Variants in MRRF observed in about 807,000 individuals in gnomAD.
The protein encoded by MRRF is mitochondrial ribosome recycling factor.
MRRF carries 18 observed loss-of-function variants against 25.1 expected under a neutral mutation model. The ratio of observed to expected loss-of-function variants is 0.72; its 90% CI spans 0.50 to 1.06. The LOEUF (loss-of-function observed/expected upper bound fraction) is 1.06. Among genes scored for constraint, MRRF ranks in the 50% least tolerant of loss-of-function variants. MRRF has a pLI of 0.00. For synonymous variants in MRRF, 113 were observed against 112.1 expected, an observed-to-expected ratio of 1.01 and a Z score of -0.05; for missense variants, 323 against 319.3, an observed-to-expected ratio of 1.01 and a Z score of -0.09.
At chr9:122,285,788 G>T in intron 4 of MRRF, 1 of 1,274,950 alleles carries the variant, frequency 7.8e-7, no homozygotes, top group Non-Finnish European at 1.0e-6. Flanking sequence ...AGACTATGAA[G>T]CAAATAAAAC....
At chr9:122,265,700 A>G in intron 1 of MRRF, 1 of 1,230,728 alleles carries the variant, frequency 8.1e-7, no homozygotes, top group Non-Finnish European at 1.1e-6. Context: ...ACAAGTCACA[A>G]GTCAGTGGTA....
chr9:122,269,761 GAAAA>G (rs1046427155), intron 1 of MRRF, among the ~76,000 whole-genome samples: 1 of 151,308 alleles, frequency 6.6e-6, no homozygotes, highest in African/African-American at 2.4e-5. Flanking sequence ...TTAAAAGTTT[GAAAA>G]AAAAGGTGAT....
At position 122,291,754 on chromosome 9, in the gene MRRF, A is replaced by T. The variant is rs772970007; in HGVS notation, c.465A>T (p.Thr155=). The T allele has an allele frequency of 1.2e-6, 2 of 1,609,788 alleles. No individual in the cohort carries two copies. Among genetic ancestry groups the T allele is most frequent in the South Asian group, 2.2e-5 (2 of 91,004 alleles). Residue 155 remains threonine (T), a synonymous_variant, in exon 5 of 7, where the codon ACA becomes ACT. Transcript: ENST00000344641. ...LVNMASFPEC[T]AAAIKAIRES... ...CCTTTTGATCTGGTTTTCAGTGTAC[A>T]GCTGCAGCTATCAAGGCTATAAGAG...
At chr9:122,278,039 A>C (rs1212935311) in intron 2 of MRRF, among the ~76,000 whole-genome samples, 1 of 151,934 alleles carries the variant, frequency 6.6e-6, no homozygotes, top group Non-Finnish European at 1.5e-5. Context: ...TATCATTTTT[A>C]TGTGTTGGGA....
intron 3 of MRRF, among the ~76,000 whole-genome samples, chr9:122,281,988 G>C (rs965893026): frequency 3.3e-5 from 5 of 152,136 alleles, no homozygotes; most frequent in Non-Finnish European, 5.9e-5. Context: ...TGTGGCAAAG[G>C]ATCTCATGGC....
chr9:122,293,242 C>G (rs898534297), intron 5 of MRRF, among the ~76,000 whole-genome samples: 2 of 152,170 alleles, frequency 1.3e-5, no homozygotes, highest in Non-Finnish European at 2.9e-5. Context: ...GAGTTGAACA[C>G]TAGTTGAGTG....
At chr9:122,303,963 A>G (rs1834644667) in intron 5 of MRRF, among the ~76,000 whole-genome samples, 1 of 151,974 alleles carries the variant, frequency 6.6e-6, no homozygotes, top group Admixed American at 6.6e-5. Flanking sequence ...TGTACATTCC[A>G]GGAAGTACTG....
chr9:122,320,672 G>GA (rs1215754890), intron 6 of MRRF, among the ~76,000 whole-genome samples: 1 of 152,224 alleles, frequency 6.6e-6, no homozygotes, highest in Non-Finnish European at 1.5e-5. Flanking sequence ...TTTTCTAGCT[G>GA]AAAAAATGCA....
At chr9:122,303,933 A>G (rs1834642766) in intron 5 of MRRF, among the ~76,000 whole-genome samples, 1 of 152,078 alleles carries the variant, frequency 6.6e-6, no homozygotes, top group Non-Finnish European at 1.5e-5. Context: ...GGATCTTGTT[A>G]CAGAGTAGTG....
chr9:122,306,502 G>GAT (rs1834856097), intron 5 of MRRF, among the ~76,000 whole-genome samples: 1 of 152,198 alleles, frequency 6.6e-6, no homozygotes, highest in African/African-American at 2.4e-5. Flanking sequence ...GCTAAAAACT[G>GAT]ATAGATCTGG....
In MRRF at chr9:122,286,096, C is replaced by T. The variant is rs1290501103; in HGVS notation, c.459+809C>T. On this transcript the variant is annotated intron_variant, in intron 4 of 6. Coordinates refer to ENST00000344641, the MANE Select transcript of MRRF (RefSeq NM_138777.5). ...TGGAATCCGGTCCCATCTCTACCACCAACTGGCTGTTTGACCTTGGGCAAG... is the reference window on the plus strand; with the variant it reads ...TGGAATCCGGTCCCATCTCTACCACTAACTGGCTGTTTGACCTTGGGCAAG... 5.5e-6 allele frequency: 7 copies of T among 1,267,436 alleles called. No individual in the cohort carries two copies. The South Asian group carries it at 7.4e-5, about 13-fold the overall frequency. 78.5% of individuals were successfully genotyped at this position (1,267,436 alleles called of 1,614,324 possible). A position where few individuals can be genotyped will look rare whatever the true frequency, so the allele number is the denominator to read the frequency against.
chr9:122,312,403 T>C (rs1835260017), intron 5 of MRRF, among the ~76,000 whole-genome samples: 1 of 152,242 alleles, frequency 6.6e-6, no homozygotes, highest in Admixed American at 6.5e-5. Flanking sequence ...TCAGAGCTTA[T>C]TCTTTCTCAA....
chr9:122,296,068 GC>G (rs776259618), intron 5 of MRRF, among the ~76,000 whole-genome samples: 36 of 152,230 alleles, frequency 2.4e-4, no homozygotes, highest in Non-Finnish European at 4.0e-4. Flanking sequence ...CAGGCTTGGA[GC>G]CTGAGTGGTC....
chr9:122,275,602 A>G (rs914129269), intron 2 of MRRF, among the ~76,000 whole-genome samples: 1 of 152,124 alleles, frequency 6.6e-6, no homozygotes, highest in African/African-American at 2.4e-5. Flanking sequence ...GCACCACTGC[A>G]CTCCAGTCTG....
intron 5 of MRRF, among the ~76,000 whole-genome samples, chr9:122,307,787 G>C (rs186514202): frequency 6.6e-6 from 1 of 152,150 alleles, no homozygotes; most frequent in Non-Finnish European, 1.5e-5. Context: ...GCCCTAAACC[G>C]TGTCCTTTCT....
In MRRF at chr9:122,329,414, C is replaced by T. The variant is rs1278484578; in HGVS notation, c.*6797C>T. On this transcript the variant is annotated 3_prime_UTR_variant, in exon 7 of 7. Transcript: ENST00000344641. ...TTACACTAACTCATTCATTCATTATCCATCCCGATGCTTCTCCTGATTCAT... is the reference window on the plus strand; with the variant it reads ...TTACACTAACTCATTCATTCATTATTCATCCCGATGCTTCTCCTGATTCAT... The T allele has an allele frequency of 6.6e-6, 1 of 152,226 alleles. No individual in the cohort carries two copies. The highest frequency in any genetic ancestry group is 6.6e-5 in the Admixed American group (1 of 15,266). The allele number at this position is 152,226 out of a possible 1,614,324, so 9.4% of individuals were successfully genotyped here. A position where few individuals can be genotyped will look rare whatever the true frequency, so the allele number is the denominator to read the frequency against.
At chr9:122,317,333 T>C (rs929021542) in intron 6 of MRRF, among the ~76,000 whole-genome samples, 2 of 152,054 alleles carry the variant, frequency 1.3e-5, no homozygotes, top group Non-Finnish European at 2.9e-5. Context: ...GAAAAGATTG[T>C]TATTCTTTGT....
intron 6 of MRRF, among the ~76,000 whole-genome samples, chr9:122,314,753 G>T (rs1448419857): frequency 6.6e-6 from 1 of 152,210 alleles, no homozygotes; most frequent in African/African-American, 2.4e-5. Context: ...TGGAGGCAGG[G>T]CGATAGGGAT....
intron 5 of MRRF, among the ~76,000 whole-genome samples, chr9:122,309,756 G>A: frequency 6.6e-6 from 1 of 152,176 alleles, no homozygotes; most frequent in East Asian, 1.9e-4. Context: ...TGTCTATAAT[G>A]TAGGTGCCTA....
Sources: allele counts gnomAD v4.1 joint callset (sites outside exome capture counted in the v4.1 genomes callset), GRCh38; gene constraint gnomAD v4.1.1; transcripts MANE v1.5; gene names NCBI Gene and HGNC (gene_info 2026-07-23, HGNC 2026-07-21).